The following RHOXF1 variants were observed in gnomAD, a reference collection of about 807,000 sequenced individuals.
The protein encoded by RHOXF1 is PEPP subfamily gene 1.
RHOXF1 carries 1 observed loss-of-function variant against 9.7 expected under a neutral mutation model. The observed-to-expected ratio is 0.10, with a 90% CI of 0.04 to 0.49. RHOXF1 has a LOEUF of 0.49. Ranked by LOEUF, RHOXF1 falls within the 20% of genes least tolerant of loss-of-function variation. The pLI, the probability that RHOXF1 is intolerant of heterozygous loss-of-function variation, is 0.95. For missense variants in RHOXF1, 179 were observed against 168.0 expected, an observed-to-expected ratio of 1.07 and a Z score of -0.36; for synonymous variants, 72 against 70.2, an observed-to-expected ratio of 1.03 and a Z score of -0.13.
In RHOXF1 at chrX:120,109,188, A is replaced by T; in HGVS notation, c.*4T>A. On this transcript the variant is annotated 3_prime_UTR_variant, in exon 3 of 3. Coordinates refer to ENST00000217999, the MANE Select transcript of RHOXF1 (RefSeq NM_139282.3). The stretch of plus-strand genomic sequence containing the variant: ...AGCTCCTGAAGAAGGATGGCATTCT[A>T]GGGCTAGTCCACGACGATGTAGACA... 1 of 1,145,012 alleles carries T rather than the reference A, an allele frequency of 8.7e-7. No homozygotes were observed. The highest frequency in any genetic ancestry group is 1.2e-6 in the Non-Finnish European group (1 of 842,176). The allele number at this position is 1,145,012 out of a possible 1,213,427, so 94.4% of individuals were successfully genotyped here. A position where few individuals can be genotyped will look rare whatever the true frequency, so the allele number is the denominator to read the frequency against.
At chrX:120,116,297 T>G (rs868924093), upstream of RHOXF1, 12 of 8,261 alleles carry the variant, frequency 1.5e-3, no homozygotes, top group Admixed American at 1.8e-3. Context: ...TGGGTGGGGG[T>G]GAGGGGTGTG....
upstream of RHOXF1, chrX:120,115,999 G>A (rs2057293872): frequency 6.0e-6 from 1 of 165,896 alleles, no homozygotes; most frequent in Admixed American, 1.8e-4. Context: ...ATGCGCACAA[G>A]CAAGAGAGGG....
At chrX:120,110,060 GGA>G (rs1269678955) in intron 2 of RHOXF1, among the ~76,000 whole-genome samples, 4 of 111,677 alleles carry the variant, frequency 3.6e-5, no homozygotes, top group African/African-American at 9.8e-5. Context: ...TCCTCACTAG[GGA>G]GAGTTTCATC....
intron 2 of RHOXF1, among the ~76,000 whole-genome samples, chrX:120,109,551 TTTTATTTATTTATTTATTTATTA>T (rs1569311365): frequency 6.4e-5 from 7 of 109,300 alleles, no homozygotes; most frequent in African/African-American, 1.3e-4. Flanking sequence ...CTCTTCTCCA[TTTTATTTATTTATTTATTTATTA>T]TTTATTTATT....
At chrX:120,116,513 C>A (rs2057297638), upstream of RHOXF1, 1 of 110,897 alleles carries the variant, frequency 9.0e-6, no homozygotes, top group African/African-American at 3.3e-5. Context: ...GAGGTGAGAT[C>A]TCACGGTGAC....
At position 120,115,348 on chromosome X, in the gene RHOXF1, A is replaced by C. The variant is rs190872385; in HGVS notation, c.398+117T>G. The C allele has an allele frequency of 1.3e-5, 7 of 546,374 alleles. No homozygotes were observed. In the East Asian group the frequency reaches 2.7e-4, roughly 21 times the overall value. 45.0% of individuals were successfully genotyped at this position (546,374 alleles called of 1,213,427 possible). A position where few individuals can be genotyped will look rare whatever the true frequency, so the allele number is the denominator to read the frequency against. On this transcript the variant is annotated intron_variant, in intron 1 of 2. Coordinates refer to ENST00000217999, the MANE Select transcript of RHOXF1 (RefSeq NM_139282.3). ...TAAATATCCCCCTCCACACCAGCACAAAGGCAGGCAAGGACCCCCAGTGGC... is the reference window on the plus strand; with the variant it reads ...TAAATATCCCCCTCCACACCAGCACCAAGGCAGGCAAGGACCCCCAGTGGC...
At chrX:120,112,421 TATATAATAC>T (rs2057269544) in intron 2 of RHOXF1, among the ~76,000 whole-genome samples, 2 of 53,059 alleles carry the variant, frequency 3.8e-5, no homozygotes, top group Non-Finnish European at 9.7e-5. Context: ...ATATGTATTA[TATATAATAC>T]ACATATATTA....
At chrX:120,115,379 C>G in intron 1 of RHOXF1, 86 bp downstream of exon 1, 64 of 792,682 alleles carry the variant, frequency 8.1e-5, no homozygotes, top group Admixed American at 8.1e-5. Context: ...GTGGCTTTTT[C>G]CTCATGATTG....
upstream of RHOXF1, chrX:120,116,391 A>G (rs1209366798): frequency 9.2e-6 from 1 of 108,114 alleles, no homozygotes; most frequent in Non-Finnish European, 1.9e-5. Flanking sequence ...AAAAGGGCCA[A>G]TAGGAGGCAT....
chrX:120,115,790 G>A lies in RHOXF1; in HGVS notation c.73C>T (p.Pro25Ser). 3 of 1,206,426 alleles carry A rather than the reference G, an allele frequency of 2.5e-6. No homozygotes were observed. The highest frequency in any genetic ancestry group is 3.4e-6 in the Non-Finnish European group (3 of 894,650). Residue 25 changes from proline (P) to serine (S), a missense_variant, in exon 1 of 3, where the codon CCT becomes TCT. Physicochemically the swap from Pro to Ser is moderately conservative, Grantham distance 74. Transcript: ENST00000217999. Reference sequence around the variant, plus strand: ...GCGCTTGATGCTGCCCCCAGCTGAGGTGTGGGGCTTATTTTTACCTGGTAT... The same window carrying A: ...GCGCTTGATGCTGCCCCCAGCTGAGATGTGGGGCTTATTTTTACCTGGTAT... ...SVYQVKISPT[P>S]QLGAASSAEG...
upstream of RHOXF1, chrX:120,119,611 A>C (rs1201977718): frequency 1.8e-5 from 2 of 111,814 alleles, no homozygotes; most frequent in African/African-American, 3.3e-5. Flanking sequence ...ATGTGGAAGA[A>C]ATCAAGCTGT....
intron 1 of RHOXF1, among the ~76,000 whole-genome samples, chrX:120,113,543 T>A (rs112913385): frequency 1.8e-4 from 20 of 110,093 alleles, no homozygotes; most frequent in South Asian, 8.1e-4. Flanking sequence ...AGCCTGCATG[T>A]CCTGGGCTCG....
chrX:120,113,860 G>C, intron 1 of RHOXF1, among the ~76,000 whole-genome samples: 1 of 109,031 alleles, frequency 9.2e-6, no homozygotes, highest in Middle Eastern at 4.7e-3. Flanking sequence ...GGGAGGCCGA[G>C]GCAGGCAAAT....
chrX:120,109,571 A>ATTTATTTATTTATTTAT (rs1555999514), intron 2 of RHOXF1, among the ~76,000 whole-genome samples: 4 of 107,243 alleles, frequency 3.7e-5, no homozygotes, highest in Admixed American at 1.0e-4. Flanking sequence ...TTATTTATTT[A>ATTTATTTATTTATTTAT]TTATTTATTT....
intron 2 of RHOXF1, among the ~76,000 whole-genome samples, chrX:120,110,509 A>T (rs2057260403): frequency 9.0e-6 from 1 of 111,411 alleles, no homozygotes; most frequent in African/African-American, 3.3e-5. Context: ...GTAGCCCAGT[A>T]AGGCAGGGCC....
intron 2 of RHOXF1, 111 bp from the exon 3 acceptor site, chrX:120,109,413 G>T (rs1555999466): frequency 2.2e-6 from 1 of 448,134 alleles, no homozygotes; most frequent in African/African-American, 2.4e-5. Context: ...ACTGCATCAG[G>T]AAAAGCTATT....
chrX:120,109,352 G>A, intron 2 of RHOXF1, 50 bp from the exon 3 acceptor site: 1 of 761,770 alleles, frequency 1.3e-6, no homozygotes, highest in Admixed American at 2.3e-5. Context: ...AACAGTTAAT[G>A]TCGTAATAGA....
chrX:120,115,911 A>C lies in RHOXF1; in HGVS notation c.-49T>G. The C allele has an allele frequency of 2.2e-5, 24 of 1,100,684 alleles. No individual in the cohort carries two copies. Among genetic ancestry groups the C allele is most frequent in the Non-Finnish European group, 2.9e-5 (24 of 837,510 alleles). The allele number at this position is 1,100,684 out of a possible 1,213,427, so 90.7% of individuals were successfully genotyped here. A position where few individuals can be genotyped will look rare whatever the true frequency, so the allele number is the denominator to read the frequency against. ...CAAACTCCGTGGCGTCTGCAGCTGG[A>C]GTGGGGGTTAGAGGGTGGAGCTAGT... On this transcript the variant is annotated 5_prime_UTR_variant, in exon 1 of 3. Transcript: ENST00000217999.
At chrX:120,113,276 C>CGATT (rs1827119401) in intron 1 of RHOXF1, among the ~76,000 whole-genome samples, 1 of 109,491 alleles carries the variant, frequency 9.1e-6, no homozygotes, top group Non-Finnish European at 1.9e-5. Flanking sequence ...CGAGTAGCTG[C>CGATT]GATTACAGGC....
Sources: allele counts gnomAD v4.1 joint callset (sites outside exome capture counted in the v4.1 genomes callset), GRCh38; gene constraint gnomAD v4.1.1; transcripts MANE v1.5; gene names NCBI Gene and HGNC (gene_info 2026-07-23, HGNC 2026-07-21).